The following PPFIA2 variants were observed in gnomAD, a reference collection of about 807,000 sequenced individuals.
PPFIA2 encodes PPFI scaffold protein A2, also known as liprin-alpha-2.
A neutral mutation model predicts 175.5 loss-of-function variants in PPFIA2; 46 were observed. That is an observed-to-expected ratio of 0.26 (90% CI 0.21 to 0.34). The LOEUF is 0.34. Ranked by LOEUF, PPFIA2 falls within the 10% of genes least tolerant of loss-of-function variation. The probability of loss-of-function intolerance (pLI) is 1.00; values close to 1 mark genes in which losing one functional copy is unlikely to be tolerated. For missense variants in PPFIA2, 1,179 were observed against 1,506.1 expected, an observed-to-expected ratio of 0.78 and a Z score of 3.60; for synonymous variants, 568 against 511.4, an observed-to-expected ratio of 1.11 and a Z score of -1.49.
At chr12:81,267,796 A>T in intron 29 of PPFIA2, 116 bp downstream of exon 29, 1 of 860,950 alleles carries the variant, frequency 1.2e-6, no homozygotes, top group South Asian at 2.0e-5. Context: ...ACATATTTCA[A>T]ACATTGAGTT....
chr12:81,273,528 AT>A (rs1301255143), intron 28 of PPFIA2, among the ~76,000 whole-genome samples: 2 of 152,064 alleles, frequency 1.3e-5, no homozygotes, highest in African/African-American at 4.8e-5. Flanking sequence ...TTAGTGGAAG[AT>A]TGGTCTGACT....
At chr12:81,304,192 C>A (rs538575692) in intron 22 of PPFIA2, among the ~76,000 whole-genome samples, 2 of 152,280 alleles carry the variant, frequency 1.3e-5, no homozygotes, top group African/African-American at 2.4e-5. Context: ...GCAATTTTCT[C>A]TATAGTATCT....
chr12:81,366,823 T>C (rs992036091), intron 14 of PPFIA2, among the ~76,000 whole-genome samples: 1 of 151,794 alleles, frequency 6.6e-6, no homozygotes, highest in Non-Finnish European at 1.5e-5. Flanking sequence ...TTTTTTAATG[T>C]TATAAGTCAA....
intron 20 of PPFIA2, 118 bp downstream of exon 20, chr12:81,340,960 T>C: frequency 9.1e-7 from 1 of 1,102,762 alleles, no homozygotes; most frequent in Non-Finnish European, 1.2e-6. Context: ...AAAGGGAAGC[T>C]GGAGAATTCT....
At chr12:81,353,746 A>G (rs1207875748) in intron 16 of PPFIA2, among the ~76,000 whole-genome samples, 1 of 152,206 alleles carries the variant, frequency 6.6e-6, no homozygotes, top group African/African-American at 2.4e-5. Flanking sequence ...CTCAGACCAC[A>G]AATATTATCA....
At chr12:81,726,684 C>T (rs1422796685) in intron 3 of PPFIA2, among the ~76,000 whole-genome samples, 1 of 151,238 alleles carries the variant, frequency 6.6e-6, no homozygotes, top group East Asian at 1.9e-4. Context: ...CAAAACAAAA[C>T]AAAACAACCC....
intron 4 of PPFIA2, among the ~76,000 whole-genome samples, chr12:81,636,050 T>A (rs181682319): frequency 6.6e-6 from 1 of 152,324 alleles, no homozygotes; most frequent in East Asian, 1.9e-4. Flanking sequence ...CTATGTTTTT[T>A]AATCTTTTTT....
chr12:81,438,972 C>T (rs1300125444), intron 7 of PPFIA2, among the ~76,000 whole-genome samples: 1 of 151,928 alleles, frequency 6.6e-6, no homozygotes, highest in African/African-American at 2.4e-5. Context: ...TTATTCCCTC[C>T]CCTCTACCCT....
At chr12:81,574,433 G>T (rs534359279) in intron 4 of PPFIA2, among the ~76,000 whole-genome samples, 1 of 151,426 alleles carries the variant, frequency 6.6e-6, no homozygotes, top group Non-Finnish European at 1.5e-5. Context: ...TTTAAAGAAA[G>T]AGCTTACAAA....
At chr12:81,686,574 A>C (rs539839832) in intron 3 of PPFIA2, among the ~76,000 whole-genome samples, 1 of 152,126 alleles carries the variant, frequency 6.6e-6, no homozygotes, top group Non-Finnish European at 1.5e-5. Context: ...CTGTTTTCCA[A>C]CTTTTCCACA....
chr12:81,616,504 A>G (rs902302850), intron 4 of PPFIA2, among the ~76,000 whole-genome samples: 1 of 152,184 alleles, frequency 6.6e-6, no homozygotes, highest in Non-Finnish European at 1.5e-5. Context: ...ACATATTGAC[A>G]CTGAATTATT....
chr12:81,264,183 G>A (rs2036517900), intron 30 of PPFIA2, among the ~76,000 whole-genome samples: 1 of 152,134 alleles, frequency 6.6e-6, no homozygotes, highest in African/African-American at 2.4e-5. Context: ...ATAGGCTAGT[G>A]TCTCTACTTG....
chr12:81,744,086 T>G (rs1029915507), intron 3 of PPFIA2, among the ~76,000 whole-genome samples: 1 of 152,200 alleles, frequency 6.6e-6, no homozygotes, highest in African/African-American at 2.4e-5. Context: ...TTTGTATGTA[T>G]GTAAATAGAA....
rs997115474 is a variant in PPFIA2 at position 81,671,480 on chromosome 12, C to A, written c.303+5311G>T. On this transcript the variant is annotated intron_variant, in intron 4 of 32. Transcript: ENST00000549396. The stretch of plus-strand genomic sequence containing the variant: ...TCACCATGATCATTTTCATCACTAT[C>A]CTTTGGAAGAAAGACTGCAAGTCTT... Among the ~76,000 whole-genome samples, 5 of 152,014 alleles carry A rather than the reference C, an allele frequency of 3.3e-5. No individual in the cohort carries two copies. The South Asian group carries it at 1.0e-3, about 31-fold the overall frequency.
At chr12:81,576,171 G>A (rs1035610073) in intron 4 of PPFIA2, among the ~76,000 whole-genome samples, 5 of 151,612 alleles carry the variant, frequency 3.3e-5, no homozygotes, top group African/African-American at 1.2e-4. Flanking sequence ...TAAGAATGGG[G>A]TGTCCTTCAA....
At chr12:81,741,697 A>G (rs1046240320) in intron 3 of PPFIA2, among the ~76,000 whole-genome samples, 1 of 151,944 alleles carries the variant, frequency 6.6e-6, no homozygotes, top group Non-Finnish European at 1.5e-5. Context: ...GTGTGGCCCA[A>G]GACAATTTAT....
At chr12:81,530,818 T>C (rs149281376) in intron 4 of PPFIA2, among the ~76,000 whole-genome samples, 1 of 151,886 alleles carries the variant, frequency 6.6e-6, no homozygotes, top group Admixed American at 6.6e-5. Flanking sequence ...TGGAATATTA[T>C]GTATTTGCAA....
intron 2 of PPFIA2, 128 bp from the exon 3 acceptor site, chr12:81,754,351 C>G: frequency 8.4e-7 from 1 of 1,189,606 alleles, no homozygotes; most frequent in Non-Finnish European, 1.2e-6. Context: ...TACCTGTTGC[C>G]CCAAATCCAG....
At chr12:81,521,433 G>T (rs529246412) in intron 4 of PPFIA2, among the ~76,000 whole-genome samples, 15 of 152,246 alleles carry the variant, frequency 9.9e-5, no homozygotes, top group African/African-American at 3.6e-4. Context: ...ATCATCCACA[G>T]TGGTAAGTAC....
Sources: gnomAD v4.1 joint callset for allele counts (sites outside exome capture counted in the v4.1 genomes callset) on GRCh38, gnomAD v4.1.1 for gene constraint, MANE v1.5 for transcripts, NCBI Gene and HGNC (gene_info 2026-07-23, HGNC 2026-07-21) for gene names.